PLAA: variants seen among roughly 807,000 people sequenced by gnomAD.
PLAA encodes the protein phospholipase A2 activating protein, also known as phospholipase A-2-activating protein.
PLAA carries 48 observed loss-of-function variants against 84.1 expected under a neutral mutation model. The observed-to-expected ratio is 0.57, with a 90% CI of 0.45 to 0.73. PLAA has a LOEUF of 0.73. Ranked by LOEUF, PLAA falls within the 30% of genes least tolerant of loss-of-function variation. The pLI is 0.00. For missense variants in PLAA, 903 were observed against 954.7 expected (o/e 0.95, Z 0.71); for synonymous variants, 392 against 336.6 (o/e 1.16, Z -1.80).
chr9:26,926,685 CTTTT>C (rs1255230385), intron 4 of PLAA, 125 bp from the exon 5 acceptor site: 4 of 668,494 alleles, frequency 6.0e-6, no homozygotes, highest in Non-Finnish European at 9.0e-6. Flanking sequence ...TTAGAGAAAT[CTTTT>C]TTTTTGTTGA....
At chr9:26,917,032 G>T in intron 10 of PLAA, 65 bp downstream of exon 10, 2 of 1,309,704 alleles carry the variant, frequency 1.5e-6, no homozygotes, top group Non-Finnish European at 2.2e-6. Context: ...AAGATGTAAA[G>T]CCATGTGATG....
At chr9:26,908,549 C>G (rs1185890433) in intron 12 of PLAA, among the ~76,000 whole-genome samples, 3 of 151,694 alleles carry the variant, frequency 2.0e-5, no homozygotes, top group Non-Finnish European at 2.9e-5. Context: ...CTGCAACCTC[C>G]GCCATCAGGA....
At chr9:26,942,604 C>T (rs538324405) in intron 1 of PLAA, among the ~76,000 whole-genome samples, 127 of 145,124 alleles carry the variant, frequency 8.8e-4, no homozygotes, top group South Asian at 1.7e-3. Flanking sequence ...GCACGGAGGC[C>T]GGGCATGGTG....
chr9:26,938,378 C>A (rs1825425683), intron 1 of PLAA, among the ~76,000 whole-genome samples: 1 of 151,850 alleles, frequency 6.6e-6, no homozygotes, highest in African/African-American at 2.4e-5. Context: ...AGCGAAACCC[C>A]ATCTTGAAAA....
rs1279283353 is a variant in PLAA, at chr9:26,907,921, T to A, written c.1735A>T (p.Ile579Leu). The A allele has an allele frequency of 5.0e-6, 8 of 1,611,140 alleles. No individual in the cohort carries two copies. Residue 579 changes from isoleucine to leucine, a missense_variant, in exon 13 of 14, where the codon ATA (isoleucine) becomes TTA (leucine). By Grantham distance (5) the Ile-to-Leu change is conservative. Transcript: ENST00000397292. ...TEDDLILLEK[I>L]LSLICNSSSE... Reference sequence around the variant, plus strand: ...GAACTATTACATATTAGAGACAGTATCTTCTCAAGAAGTATCAAGTCATCC... The same window carrying A: ...GAACTATTACATATTAGAGACAGTAACTTCTCAAGAAGTATCAAGTCATCC...
At chr9:26,936,994 A>T (rs1022246635) in intron 1 of PLAA, among the ~76,000 whole-genome samples, 1 of 152,088 alleles carries the variant, frequency 6.6e-6, no homozygotes, top group Non-Finnish European at 1.5e-5. Context: ...TACAAAAATT[A>T]GCTGGGCGTA....
At chr9:26,941,050 C>G (rs892984771) in intron 1 of PLAA, among the ~76,000 whole-genome samples, 1 of 151,846 alleles carries the variant, frequency 6.6e-6, no homozygotes, top group Non-Finnish European at 1.5e-5. Flanking sequence ...ATGGCAGAAT[C>G]CAGATTAGGT....
At chr9:26,907,636 A>C (rs1824278299) in intron 13 of PLAA, 198 bp downstream of exon 13, 1 of 528,206 alleles carries the variant, frequency 1.9e-6, no homozygotes. Flanking sequence ...TATTACCTTC[A>C]GATTCTCAAA....
In PLAA at chr9:26,925,846, C is replaced by T. The variant is rs1344689219; in HGVS notation, c.848G>A (p.Gly283Asp). The T allele has an allele frequency of 4.3e-6, 7 of 1,613,642 alleles. No individual in the cohort carries two copies. Among genetic ancestry groups the T allele is most frequent in the Admixed American group, 3.3e-5 (2 of 60,000 alleles). The change falls in exon 6 of 14, where the codon GGT becomes GAT. Residue 283 changes from glycine (G) to aspartate (D), a missense_variant. By Grantham distance (94) the Gly-to-Asp change is moderately conservative. Coordinates refer to ENST00000397292, the MANE Select transcript of PLAA (RefSeq NM_001031689.3). Reference protein sequence around the residue: ...SIWCCCVLDNGDIVVGASDGI... With the variant: ...SIWCCCVLDNDDIVVGASDGI... Reference sequence around the variant, plus strand: ...ATACCTCGCACCAACCACAATGTCACCATTGTCGAGCACACAGCAGCACCA... The same window carrying T: ...ATACCTCGCACCAACCACAATGTCATCATTGTCGAGCACACAGCAGCACCA...
chr9:26,930,240 G>C (rs905754295), intron 2 of PLAA, among the ~76,000 whole-genome samples: 31 of 151,868 alleles, frequency 2.0e-4, no homozygotes, highest in African/African-American at 7.0e-4. Flanking sequence ...GAGTGGCTGG[G>C]ACCACAGGCG....
intron 2 of PLAA, among the ~76,000 whole-genome samples, chr9:26,930,776 T>C (rs1379018554): frequency 3.3e-5 from 5 of 151,428 alleles, no homozygotes; most frequent in Non-Finnish European, 7.4e-5. Context: ...AGAGACAGGG[T>C]TTCACCATGT....
At position 26,946,944 on chromosome 9, in the gene PLAA, A is replaced by T. The variant is rs1243708490; in HGVS notation, c.102T>A (p.Phe34Leu). Reference sequence around the variant, plus strand: ...TGGTGCGGTCTCGGGACACGGACACAAAGGCTCCCGGCGGATAGGCGCAGC... The same window carrying T: ...TGGTGCGGTCTCGGGACACGGACACTAAGGCTCCCGGCGGATAGGCGCAGC... ...LVCCAYPPGA[F>L]VSVSRDRTTR... Residue 34 changes from phenylalanine (F) to leucine (L), a missense_variant, in exon 1 of 14, where the codon TTT becomes TTA. Physicochemically the swap from Phe to Leu is conservative, Grantham distance 22. Coordinates refer to ENST00000397292, the MANE Select transcript of PLAA (RefSeq NM_001031689.3). The T allele has an allele frequency of 1.9e-6, 3 of 1,587,332 alleles. No individual in the cohort carries two copies.
chr9:26,928,194 T>G lies in PLAA; in HGVS notation c.471A>C (p.Val157=). 6.2e-7 allele frequency: 1 copy of G among 1,614,218 alleles called. No homozygotes were observed. Among genetic ancestry groups the G allele is most frequent in the South Asian group, 1.1e-5 (1 of 91,078 alleles). ...LQGHTAAVWA[V]KILPEQGLML... ...TTAAGCCCTGTTCAGGTAAGATCTT[T>G]ACCGCCCACACTGCAGCTGTATGAC... The change falls in exon 4 of 14, where the codon GTA becomes GTC. Residue 157 remains valine (V), a synonymous_variant. Coordinates refer to ENST00000397292, the MANE Select transcript of PLAA (RefSeq NM_001031689.3).
intron 2 of PLAA, among the ~76,000 whole-genome samples, chr9:26,930,577 TGA>T (rs1825149377): frequency 6.9e-6 from 1 of 144,340 alleles, no homozygotes; most frequent in African/African-American, 2.7e-5. Context: ...GTTACATCAC[TGA>T]GATTTTTTTT....
chr9:26,917,450 G>A (rs1365168515), intron 9 of PLAA, among the ~76,000 whole-genome samples: 3 of 152,170 alleles, frequency 2.0e-5, no homozygotes, highest in African/African-American at 7.2e-5. Context: ...AGAATTGCAG[G>A]TAATATCTGA....
Position 26,939,232 on chromosome 9 carries a change from C to CA in PLAA, c.150-4027dup, listed in dbSNP as rs1219363536. Among the ~76,000 whole-genome samples, 20 of 151,484 alleles carry CA rather than the reference C, an allele frequency of 1.3e-4. 1 individual carries two copies. The highest frequency in any genetic ancestry group is 4.4e-5 in the Non-Finnish European group (3 of 67,888). On this transcript the variant is annotated intron_variant, in intron 1 of 13. Coordinates refer to ENST00000397292, the MANE Select transcript of PLAA (RefSeq NM_001031689.3). ...TGAAACCCCATCTCTACTAAAAATA[C>CA]AAAAAATTAGCCAGGTGTGGTGGCA...
chr9:26,929,600 A>G (rs1288389301), intron 2 of PLAA, among the ~76,000 whole-genome samples: 1 of 152,226 alleles, frequency 6.6e-6, no homozygotes, highest in Admixed American at 6.5e-5. Context: ...AGCAATCACA[A>G]AAGTCTCTCT....
intron 1 of PLAA, among the ~76,000 whole-genome samples, chr9:26,937,377 AAAGAT>A (rs1825393536): frequency 6.6e-6 from 1 of 152,148 alleles, no homozygotes; most frequent in Non-Finnish European, 1.5e-5. Flanking sequence ...ACAACAACAA[AAAGAT>A]AATACACAAA....
intron 12 of PLAA, among the ~76,000 whole-genome samples, chr9:26,908,951 T>C (rs957252489): frequency 2.4e-4 from 37 of 152,250 alleles, no homozygotes; most frequent in Admixed American, 2.2e-3. Flanking sequence ...ATTTAATTTA[T>C]GACTTAGTTC....
Sources: gnomAD v4.1 joint callset for allele counts (sites outside exome capture counted in the v4.1 genomes callset) on GRCh38, gnomAD v4.1.1 for gene constraint, MANE v1.5 for transcripts, NCBI Gene and HGNC (gene_info 2026-07-23, HGNC 2026-07-21) for gene names.